The following CCPG1 variants were observed in gnomAD, a reference collection of about 807,000 sequenced individuals.
The protein encoded by CCPG1 is cell cycle progression protein 1.
A neutral mutation model predicts 81.3 loss-of-function variants in CCPG1; 46 were observed. The ratio of observed to expected loss-of-function variants is 0.57; its 90% CI spans 0.45 to 0.72. CCPG1 has a LOEUF of 0.72. Among genes scored for constraint, CCPG1 ranks in the 30% least tolerant of loss-of-function variants. The pLI is 0.00. For synonymous variants in CCPG1, 330 were observed against 305.2 expected, an observed-to-expected ratio of 1.08 and a Z score of -0.85; for missense variants, 902 against 937.6, an observed-to-expected ratio of 0.96 and a Z score of 0.50.
At chr15:55,384,715 C>G (rs887170963) in intron 3 of CCPG1, among the ~76,000 whole-genome samples, 2 of 151,866 alleles carry the variant, frequency 1.3e-5, no homozygotes, top group Admixed American at 1.3e-4. Context: ...AAATGAGACA[C>G]AGAGACATGA....
chr15:55,383,011 T>C (rs2056732120), intron 3 of CCPG1, among the ~76,000 whole-genome samples: 1 of 152,188 alleles, frequency 6.6e-6, no homozygotes, highest in African/African-American at 2.4e-5. Flanking sequence ...TTCCTGAAGA[T>C]TTTCAATTCA....
At position 55,385,661 on chromosome 15, in the gene CCPG1, G is replaced by A. The variant is rs377125020; in HGVS notation, c.114C>T (p.Pro38=). The A allele has an allele frequency of 3.4e-4, 552 of 1,612,052 alleles. No individual in the cohort carries two copies. Among genetic ancestry groups the A allele is most frequent in the Non-Finnish European group, 4.6e-4 (537 of 1,178,674 alleles). ...GCTCTAAAGATGAACATTCTGGGGC[G>A]GGCTCACAGCTGTCAGTGGGGGTCA... ...NSVTPTDSCE[P]APECSSLEQE... Residue 38 remains proline (P), a synonymous_variant, in exon 3 of 9, where the codon CCC becomes CCT. Transcript: ENST00000442196.
intron 3 of CCPG1, among the ~76,000 whole-genome samples, chr15:55,381,028 T>G (rs2056679340): frequency 6.6e-6 from 1 of 151,608 alleles, no homozygotes; most frequent in South Asian, 2.1e-4. Context: ...TCCCAGCTAC[T>G]TGGGAGGCTG....
intron 6 of CCPG1, among the ~76,000 whole-genome samples, chr15:55,366,598 C>T (rs910157751): frequency 6.6e-6 from 1 of 152,078 alleles, no homozygotes; most frequent in Non-Finnish European, 1.5e-5. Context: ...ATGGAGAAAC[C>T]CTGTCTCTAC....
At chr15:55,362,194 G>A (rs1200395499) in intron 7 of CCPG1, among the ~76,000 whole-genome samples, 1 of 151,960 alleles carries the variant, frequency 6.6e-6, no homozygotes, top group Admixed American at 6.6e-5. Flanking sequence ...GGTTCTTAAA[G>A]CATTATACAT....
Position 55,360,193 on chromosome 15 carries a change from T to A in CCPG1, c.1580A>T (p.Asp527Val). Residue 527 changes from aspartate (D) to valine (V), a missense_variant, in exon 8 of 9, where the codon GAT becomes GTT. Around this residue, in one of 3 missense-constraint regions of CCPG1, gnomAD observed 746 missense variants for 728.6 expected, o/e 1.02. Coordinates refer to ENST00000442196, the MANE Select transcript of CCPG1 (RefSeq NM_001204450.2). ...AVKENLKKFS[D>V]SVKSTFRHFK... ...GTGTCTGAAAGTGGATTTAACTGAATCTGAGAATTTTTTCAGATTTTCCTT... is the reference window on the plus strand; with the variant it reads ...GTGTCTGAAAGTGGATTTAACTGAAACTGAGAATTTTTTCAGATTTTCCTT... The A allele has an allele frequency of 6.2e-7, 1 of 1,613,464 alleles. No individual in the cohort carries two copies.
intron 2 of CCPG1, among the ~76,000 whole-genome samples, chr15:55,386,161 C>T (rs1414174141): frequency 5.8e-5 from 8 of 139,046 alleles, no homozygotes; most frequent in East Asian, 4.3e-4. Flanking sequence ...AGGCTGAGGC[C>T]GGTGGATCAC....
Position 55,360,161 on chromosome 15 carries a change from C to A in CCPG1, c.1612G>T (p.Asp538Tyr). The change falls in exon 8 of 9, where the codon GAT (aspartate) becomes TAT (tyrosine). Residue 538 changes from aspartate to tyrosine, a missense_variant. By Grantham distance (160) the Asp-to-Tyr change is radical. This residue lies in a region of CCPG1 where 746 missense variants were observed against 728.6 expected (regional missense o/e 1.02). Coordinates refer to ENST00000442196, the MANE Select transcript of CCPG1 (RefSeq NM_001204450.2). Reference sequence around the variant, plus strand: ...TCATCAAAGATATTCTTGGTGGTATCTTTAAAGTGTCTGAAAGTGGATTTA... The same window carrying A: ...TCATCAAAGATATTCTTGGTGGTATATTTAAAGTGTCTGAAAGTGGATTTA... The part of the protein sequence containing the change: ...SVKSTFRHFK[D>Y]TTKNIFDEKG... The A allele has an allele frequency of 6.2e-7, 1 of 1,613,454 alleles. No homozygotes were observed. The highest frequency in any genetic ancestry group is 8.5e-7 in the Non-Finnish European group (1 of 1,179,856).
At position 55,406,420 on chromosome 15, in the gene CCPG1, TTTTC is replaced by T. The variant is rs1430597237; in HGVS notation, c.-10+1797_-10+1800del. Among the ~76,000 whole-genome samples the T allele has an allele frequency of 1.0e-4, 15 of 150,460 alleles. No homozygotes were observed. In the South Asian group the frequency reaches 1.5e-3, roughly 15 times the overall value. On this transcript the variant is annotated intron_variant, in intron 1 of 8. Transcript: ENST00000442196. ...TATAACTGTGAATATCCTTTATTTC[TTTTC>T]TTTCTTTTTCTCTTTTTTTTTTTTT...
At chr15:55,356,863 G>A in intron 8 of CCPG1, 1 of 986,290 alleles carries the variant, frequency 1.0e-6, no homozygotes, top group Non-Finnish European at 1.2e-6. Context: ...CTATGATCAG[G>A]CTTCCGTCAC....
intron 1 of CCPG1, among the ~76,000 whole-genome samples, chr15:55,392,803 G>A (rs921237106): frequency 7.9e-5 from 12 of 152,124 alleles, no homozygotes; most frequent in Non-Finnish European, 1.5e-4. Context: ...AGGCATAAGC[G>A]GTTGTATCTG....
chr15:55,363,035 TG>T (rs2056236913), intron 7 of CCPG1, among the ~76,000 whole-genome samples: 1 of 141,974 alleles, frequency 7.0e-6, no homozygotes, highest in Non-Finnish European at 1.5e-5. Flanking sequence ...AATGAAACCC[TG>T]TCTCTTAAAA....
intron 3 of CCPG1, among the ~76,000 whole-genome samples, chr15:55,380,418 C>G (rs904568702): frequency 6.6e-6 from 1 of 151,378 alleles, no homozygotes; most frequent in Non-Finnish European, 1.5e-5. Context: ...GCCTCAGGCT[C>G]CCAAGTAGCT....
At chr15:55,365,426 TTTTTTG>T in intron 6 of CCPG1, 117 bp from the exon 7 acceptor site, 1 of 641,832 alleles carries the variant, frequency 1.6e-6, no homozygotes, top group South Asian at 2.1e-5. Context: ...TTTGTTTTTT[TTTTTTG>T]TTTTTTTTTT....
At chr15:55,398,732 C>T (rs1051499808) in intron 1 of CCPG1, among the ~76,000 whole-genome samples, 1 of 152,044 alleles carries the variant, frequency 6.6e-6, no homozygotes. Flanking sequence ...CAGGTGCGCA[C>T]CACCATGCCG....
chr15:55,407,209 C>A (rs1180625766), intron 1 of CCPG1, among the ~76,000 whole-genome samples: 2 of 139,294 alleles, frequency 1.4e-5, no homozygotes, highest in Non-Finnish European at 3.1e-5. Context: ...GCCTGGGCAA[C>A]AAGAGCGAAA....
intron 3 of CCPG1, among the ~76,000 whole-genome samples, chr15:55,382,400 G>A (rs966877733): frequency 2.6e-5 from 4 of 152,044 alleles, no homozygotes; most frequent in African/African-American, 9.7e-5. Context: ...ACCAAGAGTA[G>A]ATTGCATCTC....
intron 5 of CCPG1, among the ~76,000 whole-genome samples, chr15:55,375,688 CTTT>C (rs556670892): frequency 1.0e-4 from 14 of 139,506 alleles, no homozygotes; most frequent in African/African-American, 1.1e-4. Context: ...AGAATCTCTA[CTTT>C]TTTTTTTTTT....
intron 1 of CCPG1, among the ~76,000 whole-genome samples, chr15:55,390,046 C>T (rs2056883760): frequency 6.6e-6 from 1 of 152,208 alleles, no homozygotes; most frequent in Non-Finnish European, 1.5e-5. Flanking sequence ...GCCTCAGCCT[C>T]CCGAGTAGCT....
Sources: gnomAD v4.1 joint callset for allele counts (sites outside exome capture counted in the v4.1 genomes callset) on GRCh38, gnomAD v4.1.1 for gene constraint, gnomAD v4.1.1 regional missense constraint, MANE v1.5 for transcripts, NCBI Gene and HGNC (gene_info 2026-07-23, HGNC 2026-07-21) for gene names.